Variants in TTC6 observed in about 807,000 individuals in gnomAD.
TTC6 encodes the protein tetratricopeptide repeat protein 6.
A neutral mutation model predicts 210.4 loss-of-function variants in TTC6; 172 were observed. The ratio of observed to expected loss-of-function variants is 0.82; its 90% CI spans 0.72 to 0.93. The LOEUF (loss-of-function observed/expected upper bound fraction) is 0.93. Ranked by LOEUF, TTC6 falls within the 40% of genes least tolerant of loss-of-function variation. TTC6 has a pLI of 0.00. For synonymous variants in TTC6, 804 were observed against 819.6 expected (o/e 0.98, Z 0.32); for missense variants, 2,414 against 2,318.1 (o/e 1.04, Z -0.85).
At position 37,824,049 on chromosome 14, in the gene TTC6, C is replaced by A; in HGVS notation, c.4974+92C>A. 3 of 1,172,818 alleles carry A rather than the reference C, an allele frequency of 2.6e-6. No homozygotes were observed. In the Admixed American group the frequency reaches 6.1e-5, roughly 24 times the overall value. 72.7% of individuals were successfully genotyped at this position (1,172,818 alleles called of 1,614,324 possible). On this transcript the variant is annotated intron_variant, in intron 27 of 30. Coordinates refer to ENST00000553443, the Ensembl canonical transcript of TTC6. Reference sequence around the variant, plus strand: ...CTGGCAATGGGAGTATATGTTATTTCTTTGGTTATGAACATTTACCTTTTC... The same window carrying A: ...CTGGCAATGGGAGTATATGTTATTTATTTGGTTATGAACATTTACCTTTTC...
chr14:37,643,767 A>G (rs1210864320), intron 1 of TTC6, among the ~76,000 whole-genome samples: 2 of 152,186 alleles, frequency 1.3e-5, no homozygotes, highest in African/African-American at 4.8e-5. Flanking sequence ...TTTCCCCTCA[A>G]GAACATCACT....
chr14:37,673,948 T>C (rs1159829187), intron 1 of TTC6, among the ~76,000 whole-genome samples: 1 of 152,190 alleles, frequency 6.6e-6, no homozygotes, highest in Non-Finnish European at 1.5e-5. Context: ...TGGCAGACTC[T>C]GTGGAGAATG....
intron 5 of TTC6, among the ~76,000 whole-genome samples, chr14:37,707,523 G>T: frequency 6.6e-6 from 1 of 151,882 alleles, no homozygotes. Context: ...AATTTTCATT[G>T]TGAGACTGCT....
chr14:37,821,813 T>G, intron 26 of TTC6, among the ~76,000 whole-genome samples: 1 of 136,738 alleles, frequency 7.3e-6, no homozygotes, highest in African/African-American at 2.9e-5. Flanking sequence ...GGAGTTTCGC[T>G]TTTGTTGCCC....
chr14:37,762,171 G>A (rs181653359), intron 14 of TTC6, among the ~76,000 whole-genome samples: 9 of 151,914 alleles, frequency 5.9e-5, no homozygotes, highest in Admixed American at 1.3e-4. Flanking sequence ...TTTAAGAAAA[G>A]GCTGAATAGT....
At chr14:37,776,324 G>T (rs116296536) in intron 14 of TTC6, among the ~76,000 whole-genome samples, 2,361 of 152,202 alleles carry the variant, frequency 0.016, 67 homozygotes, top group African/African-American at 0.053. Context: ...TTCAAGGTTA[G>T]TGTTGATGTG....
At chr14:37,821,025 CTT>C (rs2096155386) in intron 26 of TTC6, among the ~76,000 whole-genome samples, 1 of 2,774 alleles carries the variant, frequency 3.6e-4, no homozygotes, top group Non-Finnish European at 3.8e-3. Flanking sequence ...TCTTCTTCCT[CTT>C]CTTCTTCTTC....
chr14:37,659,862 AT>A (rs1045739236), intron 1 of TTC6, among the ~76,000 whole-genome samples: 24 of 147,454 alleles, frequency 1.6e-4, no homozygotes, highest in South Asian at 1.5e-3. Context: ...TGGTTAGTAA[AT>A]TTTTTTTCAT....
At chr14:37,768,070 T>G (rs1455827079) in intron 14 of TTC6, among the ~76,000 whole-genome samples, 4 of 151,230 alleles carry the variant, frequency 2.6e-5, no homozygotes, top group Admixed American at 6.6e-5. Flanking sequence ...CCTTTCCCCA[T>G]TGCTTGTTTT....
Position 37,712,110 on chromosome 14 carries a change from C to G in TTC6, c.1572-2545C>G, listed in dbSNP as rs147163153. Among the ~76,000 whole-genome samples, 1,007 of 152,252 alleles carry G rather than the reference C, an allele frequency of 6.6e-3. 12 individuals carry two copies. Among genetic ancestry groups the G allele is most frequent in the African/African-American group, 0.023 (951 of 41,560 alleles). ...TAGGTATGCCTTTCCACCAAGGCCC[C>G]CATTCATGTCTACCAGAGCTATGCA... On this transcript the variant is annotated intron_variant, in intron 5 of 30. Transcript: ENST00000553443.
At position 37,749,817 on chromosome 14, in the gene TTC6, TA is replaced by T; in HGVS notation, c.2931del (p.His978IlefsTer24). 1 of 1,414,202 alleles carries T rather than the reference TA, an allele frequency of 7.1e-7. No individual in the cohort carries two copies. Among genetic ancestry groups the T allele is most frequent in the South Asian group, 1.6e-5 (1 of 62,254 alleles). 87.6% of individuals were successfully genotyped at this position (1,414,202 alleles called of 1,614,324 possible). On this transcript the variant is annotated frameshift_variant, in exon 12 of 31. Coordinates refer to ENST00000553443, the Ensembl canonical transcript of TTC6. LOFTEE classifies it high-confidence loss of function. ...GAAGCTTTGGATGACTTGAATTATA[TA>T]CATAAATATAATAAAAATAATACAG...
chr14:37,796,260 G>T, intron 18 of TTC6, 34 bp from the exon 21 acceptor site: 1 of 934,938 alleles, frequency 1.1e-6, no homozygotes, highest in Middle Eastern at 2.2e-4. Context: ...TTAATTTTTA[G>T]CTGCTTAGAA....
At chr14:37,627,410 C>T (rs2095662174) in intron 1 of TTC6, among the ~76,000 whole-genome samples, 1 of 151,940 alleles carries the variant, frequency 6.6e-6, no homozygotes, top group Admixed American at 6.6e-5. Context: ...CCCATCAACC[C>T]ATCATCTACG....
chr14:37,796,683 A>G lies in TTC6; in HGVS notation c.3869-104A>G, dbSNP rs1278393622. 4 of 1,059,146 alleles carry G rather than the reference A, an allele frequency of 3.8e-6. No individual in the cohort carries two copies. The African/African-American group carries it at 5.0e-5, about 13-fold the overall frequency. The allele number at this position is 1,059,146 out of a possible 1,614,324, so 65.6% of individuals were successfully genotyped here. A position where few individuals can be genotyped will look rare whatever the true frequency, so the allele number is the denominator to read the frequency against. On this transcript the variant is annotated intron_variant, in intron 19 of 30. Transcript: ENST00000553443. ...AATTTTATAATTTATTGATTTGTTAATTCATATTATAAAGACAAATTATTG... is the reference window on the plus strand; with the variant it reads ...AATTTTATAATTTATTGATTTGTTAGTTCATATTATAAAGACAAATTATTG...
intron 7 of TTC6, among the ~76,000 whole-genome samples, chr14:37,727,372 C>A (rs2095875288): frequency 7.0e-6 from 1 of 142,824 alleles, no homozygotes; most frequent in African/African-American, 2.5e-5. Context: ...TGGCTCACTG[C>A]AACCTCTGCC....
chr14:37,622,641 C>G (rs922759789), exon 1 of TTC6: 23 of 1,535,040 alleles, frequency 1.5e-5, no homozygotes, highest in Non-Finnish European at 1.8e-5. Flanking sequence ...GGAGGTAGCT[C>G]CTCTCGCAGG....
At chr14:37,604,865 A>C (rs1002726694) in intron 1 of TTC6, among the ~76,000 whole-genome samples, 1 of 152,194 alleles carries the variant, frequency 6.6e-6, no homozygotes, top group Admixed American at 6.5e-5. Context: ...TTAGAGAAGT[A>C]TACTTAGACA....
chr14:37,621,492 G>A (rs1287201775), upstream of TTC6, among the ~76,000 whole-genome samples: 5 of 152,028 alleles, frequency 3.3e-5, no homozygotes, highest in East Asian at 1.9e-4. Flanking sequence ...ACATTTGGTC[G>A]CAGCTACTCA....
chr14:37,766,333 A>G (rs769771116), intron 14 of TTC6, among the ~76,000 whole-genome samples: 14 of 152,172 alleles, frequency 9.2e-5, no homozygotes, highest in Non-Finnish European at 2.1e-4. Flanking sequence ...ACAGTAACCA[A>G]TACGTAGTTT....
Sources: gnomAD v4.1 joint callset for allele counts (sites outside exome capture counted in the v4.1 genomes callset) on GRCh38, gnomAD v4.1.1 for gene constraint, MANE v1.5 for transcripts, NCBI Gene and HGNC (gene_info 2026-07-23, HGNC 2026-07-21) for gene names.